The following SYNE1 variants were observed in gnomAD, a reference collection of about 807,000 sequenced individuals.
SYNE1 encodes nesprin-1.
Under a neutral mutation model 1,111.0 loss-of-function variants are expected in SYNE1, and 616 were observed. The observed-to-expected ratio is 0.55, with a 90% confidence interval of 0.52 to 0.59. The LOEUF (loss-of-function observed/expected upper bound fraction) is 0.59. Ranked by LOEUF, SYNE1 falls within the 20% of genes least tolerant of loss-of-function variation. The pLI is 0.00. For synonymous variants in SYNE1, 3,855 were observed against 3,825.8 expected, an observed-to-expected ratio of 1.01 and a Z score of -0.28; for missense variants, 10,006 against 10,417.0, an observed-to-expected ratio of 0.96 and a Z score of 1.72.
chr6:152,608,251 C>T (rs1474049638), intron 3 of SYNE1, among the ~76,000 whole-genome samples: 1 of 152,184 alleles, frequency 6.6e-6, no homozygotes, highest in African/African-American at 2.4e-5. Flanking sequence ...TTCAAAGGCA[C>T]ATAATGGACA....
chr6:152,167,871 T>C (rs1273802392), intron 130 of SYNE1: 1 of 706,884 alleles, frequency 1.4e-6, no homozygotes, highest in Non-Finnish European at 2.7e-6. Flanking sequence ...ACAACTGGAA[T>C]ACAGAGTCAT....
intron 62 of SYNE1, among the ~76,000 whole-genome samples, chr6:152,366,802 T>A (rs4870100): frequency 0.7 from 106,785 of 152,148 alleles, 37,959 homozygotes; most frequent in African/African-American, 0.82. Context: ...CATTATTTTC[T>A]TCACAAATGC....
rs761110774 is a variant in SYNE1 at position 152,143,769 on chromosome 6, C to A, written c.24977-4G>T. On this transcript the variant is annotated splice_polypyrimidine_tract_variant and splice_region_variant and intron_variant, in intron 137 of 145. Transcript: ENST00000367255. Reference sequence around the variant, plus strand: ...GACTCTAGGGCACTGTGGTCCCCTGCGGTGGCAACCATAAGAATCTTTACT... The same window carrying A: ...GACTCTAGGGCACTGTGGTCCCCTGAGGTGGCAACCATAAGAATCTTTACT... 6.2e-7 allele frequency: 1 copy of A among 1,614,152 alleles called. No individual in the cohort carries two copies. The highest frequency in any genetic ancestry group is 8.5e-7 in the Non-Finnish European group (1 of 1,180,028).
Position 152,409,067 on chromosome 6 carries a change from C to T in SYNE1, c.6540+1G>A. ...CACAGAATCCCAGGTGATTATCTTA[C>T]ATCCAGCCATTTGTCCACGGTGCTC... On this transcript the variant is annotated splice_donor_variant, in intron 44 of 145. Transcript: ENST00000367255. LOFTEE classifies it high-confidence loss of function. 1.2e-6 allele frequency: 2 copies of T among 1,613,738 alleles called. No homozygotes were observed. Among genetic ancestry groups the T allele is most frequent in the East Asian group, 2.2e-5 (1 of 44,848 alleles).
In SYNE1 at chr6:152,450,623, A is replaced by T; in HGVS notation, c.3395+2T>A. ...CCTCTCTGGAGGCCATTCTGAGGCT[A>T]CCTGCTAGTGTAGTCCTTCCACTTG... On this transcript the variant is annotated splice_donor_variant, in intron 27 of 145. Transcript: ENST00000367255. LOFTEE classifies it high-confidence loss of function. 1 of 1,613,944 alleles carries T rather than the reference A, an allele frequency of 6.2e-7. No homozygotes were observed.
chr6:152,393,609 TAC>T (rs1181329479), intron 51 of SYNE1, among the ~76,000 whole-genome samples: 6 of 151,978 alleles, frequency 3.9e-5, no homozygotes, highest in Non-Finnish European at 8.8e-5. Context: ...ATGAAGAGCT[TAC>T]ACTATAGTAA....
chr6:152,452,420 C>A (rs954322735), intron 25 of SYNE1, among the ~76,000 whole-genome samples: 1 of 151,942 alleles, frequency 6.6e-6, no homozygotes, highest in South Asian at 2.1e-4. Context: ...CTTTAAGAAT[C>A]CTTTTTTTAA....
intron 34 of SYNE1, 66 bp downstream of exon 34, chr6:152,433,729 G>T: frequency 1.5e-5 from 23 of 1,579,470 alleles, no homozygotes; most frequent in Non-Finnish European, 1.9e-5. Flanking sequence ...AGCATTTGAT[G>T]AAATGTAAGA....
At chr6:152,363,536 AATAAATAT>A (rs2096987444) in intron 63 of SYNE1, among the ~76,000 whole-genome samples, 1 of 140,810 alleles carries the variant, frequency 7.1e-6, no homozygotes, top group Non-Finnish European at 1.6e-5. Flanking sequence ...TAAATAAATA[AATAAATAT>A]AAAAATAAAT....
chr6:152,302,816 TTTTG>T (rs1325891047), intron 91 of SYNE1, among the ~76,000 whole-genome samples: 1 of 152,184 alleles, frequency 6.6e-6, no homozygotes, highest in South Asian at 2.1e-4. Context: ...GTTTTTTTGT[TTTTG>T]TTTTTGAGCA....
At chr6:152,398,530 T>C (rs2097769037) in intron 49 of SYNE1, 89 bp downstream of exon 49, 3 of 1,081,180 alleles carry the variant, frequency 2.8e-6, no homozygotes, top group Non-Finnish European at 4.3e-6. Context: ...TTGGCTCAGA[T>C]AAGATTTGGG....
At chr6:152,227,424 ACT>A (rs1474889604) in intron 115 of SYNE1, among the ~76,000 whole-genome samples, 1 of 152,060 alleles carries the variant, frequency 6.6e-6, no homozygotes, top group African/African-American at 2.4e-5. Flanking sequence ...TTAGTTAGAC[ACT>A]CACGCATTTG....
At chr6:152,218,151 C>T (rs1224956142) in intron 121 of SYNE1, 106 bp downstream of exon 121, 3 of 1,344,974 alleles carry the variant, frequency 2.2e-6, no homozygotes, top group African/African-American at 1.4e-5. Context: ...GAGATCACAC[C>T]ACGGCACTCC....
At chr6:152,245,081 G>A (rs752902758) in intron 105 of SYNE1, among the ~76,000 whole-genome samples, 9 of 152,186 alleles carry the variant, frequency 5.9e-5, no homozygotes, top group Non-Finnish European at 7.3e-5. Flanking sequence ...GAGAGATTCA[G>A]CGAGGCAACA....
Position 152,244,575 on chromosome 6 carries a change from C to T in SYNE1, c.19654G>A (p.Val6552Ile). 1 of 1,614,060 alleles carries T rather than the reference C, an allele frequency of 6.2e-7. No homozygotes were observed. Among genetic ancestry groups the T allele is most frequent in the Non-Finnish European group, 8.5e-7 (1 of 1,179,962 alleles). ...ELKRRGDKLQ[V>I]EQPSMQELSK... Reference sequence around the variant, plus strand: ...AGTTCTTGCATGGACGGCTGCTCGACCTGTAGCTTGTCACCACGCCTCTTT... The same window carrying T: ...AGTTCTTGCATGGACGGCTGCTCGATCTGTAGCTTGTCACCACGCCTCTTT... The change falls in exon 106 of 146, where the codon GTC becomes ATC. Residue 6552 changes from valine to isoleucine, a missense_variant. Transcript: ENST00000367255.
At chr6:152,218,143 G>T in intron 121 of SYNE1, 114 bp downstream of exon 121, 1 of 1,272,760 alleles carries the variant, frequency 7.9e-7, no homozygotes, top group South Asian at 1.2e-5. Context: ...AGTGAGCCGA[G>T]ATCACACCAC....
At chr6:152,443,479 T>A (rs1164096266) in intron 30 of SYNE1, among the ~76,000 whole-genome samples, 1 of 152,166 alleles carries the variant, frequency 6.6e-6, no homozygotes, top group Non-Finnish European at 1.5e-5. Flanking sequence ...TTAGCCAGGA[T>A]GGTCTCGATC....
rs1025603350 is a variant in SYNE1 at position 152,392,845 on chromosome 6, T to A, written c.7713-1277A>T. ...TCTTACTATGAGATAAATTGCTTAA[T>A]GCATGATAAAAATTCAATGAGTCTT... On this transcript the variant is annotated intron_variant, in intron 51 of 145. Coordinates refer to ENST00000367255, the MANE Select transcript of SYNE1 (RefSeq NM_182961.4). Among the ~76,000 whole-genome samples the A allele has an allele frequency of 5.3e-5, 8 of 152,222 alleles. No individual in the cohort carries two copies. The South Asian group carries it at 1.0e-3, about 20-fold the overall frequency.
chr6:152,456,108 G>C, intron 22 of SYNE1, 64 bp from the exon 23 acceptor site: 1 of 1,552,898 alleles, frequency 6.4e-7, no homozygotes, highest in Non-Finnish European at 8.8e-7. Context: ...GAAAGAAAGA[G>C]AGTGACCATT....
Sources: allele counts gnomAD v4.1 joint callset (sites outside exome capture counted in the v4.1 genomes callset), GRCh38; gene constraint gnomAD v4.1.1; transcripts MANE v1.5; gene names NCBI Gene and HGNC (gene_info 2026-07-23, HGNC 2026-07-21).